TNS1: variants seen among roughly 807,000 people sequenced by gnomAD.
TNS1 encodes tensin-1.
A neutral mutation model predicts 168.6 loss-of-function variants in TNS1; 62 were observed. The ratio of observed to expected loss-of-function variants is 0.37; its 90% CI spans 0.30 to 0.45. TNS1 has a LOEUF of 0.45. Ranked by LOEUF, TNS1 falls within the 20% of genes least tolerant of loss-of-function variation. The pLI is 1.00. For synonymous variants in TNS1, 934 were observed against 933.2 expected, an observed-to-expected ratio of 1.00 and a Z score of -0.02; for missense variants, 2,240 against 2,339.4, an observed-to-expected ratio of 0.96 and a Z score of 0.88.
At chr2:217,900,585 G>A (rs750673848) in intron 6 of TNS1, 73 bp from the exon 7 acceptor site, 30 of 1,409,136 alleles carry the variant, frequency 2.1e-5, no homozygotes, top group East Asian at 5.0e-5. Context: ...CCAGAGAGCT[G>A]TCCACGGGGG....
intron 1 of TNS1, among the ~76,000 whole-genome samples, chr2:218,024,393 T>C (rs1338284079): frequency 6.7e-6 from 1 of 149,362 alleles, no homozygotes; most frequent in Admixed American, 6.7e-5. Context: ...GGGAATAAAT[T>C]AGCCCTGCTT....
intron 1 of TNS1, among the ~76,000 whole-genome samples, chr2:218,009,753 G>C (rs991802688): frequency 6.6e-6 from 1 of 152,168 alleles, no homozygotes; most frequent in African/African-American, 2.4e-5. Context: ...ATTTGAGAGG[G>C]ATGCTTAAAA....
intron 14 of TNS1, 59 bp from the exon 15 acceptor site, chr2:217,885,878 G>T: frequency 6.6e-7 from 1 of 1,526,272 alleles, no homozygotes; most frequent in Non-Finnish European, 9.1e-7. Flanking sequence ...TGAGGGAGGG[G>T]CATTTTCTCC....
chr2:217,842,060 T>A, intron 19 of TNS1: 1 of 702,950 alleles, frequency 1.4e-6, no homozygotes, highest in South Asian at 1.5e-5. Context: ...ACCTTTCCTC[T>A]CCTTCACAAG....
Position 217,814,988 on chromosome 2 carries a change from C to T in TNS1, c.4653G>A (p.Pro1551=), listed in dbSNP as rs540921314. ...FSKYSMPDNS[P]ETRAKVKFVQ... is the part of the protein sequence containing the mutation. ...CAAACTTCACTTTAGCCCGCGTCTCCGGGCTGTTGTCTAAAGCAGGAGAAG... is the reference window on the plus strand; with the variant it reads ...CAAACTTCACTTTAGCCCGCGTCTCTGGGCTGTTGTCTAAAGCAGGAGAAG... Residue 1551 remains proline, a synonymous_variant, in exon 25 of 33, where the codon CCG becomes CCA. Coordinates refer to ENST00000682258, the MANE Select transcript of TNS1 (RefSeq NM_001387777.1). The T allele has an allele frequency of 2.8e-5, 45 of 1,612,256 alleles. No homozygotes were observed. The highest frequency in any genetic ancestry group is 4.0e-5 in the African/African-American group (3 of 75,050).
intron 1 of TNS1, among the ~76,000 whole-genome samples, chr2:218,022,939 C>T (rs1958821636): frequency 6.6e-6 from 1 of 152,106 alleles, no homozygotes; most frequent in Admixed American, 6.5e-5. Flanking sequence ...TCCTCGCCCA[C>T]CCTGAGCCAG....
upstream of TNS1, among the ~76,000 whole-genome samples, chr2:218,007,144 C>T (rs2105992872): frequency 1.3e-5 from 2 of 152,284 alleles, no homozygotes; most frequent in South Asian, 4.2e-4. Flanking sequence ...GGGTTCTTCA[C>T]CAGTGTCCAG....
intron 6 of TNS1, among the ~76,000 whole-genome samples, chr2:217,902,254 CCTAGGCCCTGCT>C (rs1460480452): frequency 1.3e-5 from 2 of 152,144 alleles, no homozygotes; most frequent in Non-Finnish European, 2.9e-5. Flanking sequence ...CTCCCCAGGC[CCTAGGCCCTGCT>C]CCAGGCCCCA....
chr2:217,858,395 C>T (rs892140475), intron 18 of TNS1: 1 of 485,938 alleles, frequency 2.1e-6, no homozygotes, highest in Non-Finnish European at 2.7e-6. Context: ...CCCCTCCACA[C>T]CCTCCCAGCA....
At chr2:217,982,997 A>G (rs977056973) in intron 2 of TNS1, among the ~76,000 whole-genome samples, 4 of 151,978 alleles carry the variant, frequency 2.6e-5, no homozygotes, top group African/African-American at 7.2e-5. Flanking sequence ...CCCACCACCA[A>G]TGCCACCCAC....
At chr2:217,945,714 G>A (rs1053211088) in intron 3 of TNS1, among the ~76,000 whole-genome samples, 50 of 152,280 alleles carry the variant, frequency 3.3e-4, no homozygotes, top group African/African-American at 9.4e-4. Flanking sequence ...CTCCCTAGCC[G>A]TCGGCCCAGC....
intron 6 of TNS1, chr2:217,903,594 C>T: frequency 6.5e-7 from 1 of 1,536,188 alleles, no homozygotes; most frequent in Non-Finnish European, 8.7e-7. Context: ...GAACTCTCCC[C>T]ATCCTTACCT....
At chr2:217,937,488 T>C (rs925936581) in intron 3 of TNS1, among the ~76,000 whole-genome samples, 32 of 152,080 alleles carry the variant, frequency 2.1e-4, no homozygotes, top group African/African-American at 7.0e-4. Context: ...CCTTCCTGGC[T>C]TGGCGGCCCC....
chr2:217,928,953 G>C (rs920362210), intron 3 of TNS1, among the ~76,000 whole-genome samples: 1 of 152,184 alleles, frequency 6.6e-6, no homozygotes, highest in Admixed American at 6.5e-5. Flanking sequence ...CAGAGCAGCT[G>C]CCAGGTCCAC....
intron 3 of TNS1, among the ~76,000 whole-genome samples, chr2:217,950,378 C>T (rs1177976091): frequency 6.6e-6 from 1 of 152,162 alleles, no homozygotes; most frequent in East Asian, 1.9e-4. Context: ...CTCTGAATGG[C>T]CAAGAGGTAG....
upstream of TNS1, among the ~76,000 whole-genome samples, chr2:218,014,157 T>C (rs1574481390): frequency 6.6e-6 from 1 of 152,208 alleles, no homozygotes; most frequent in Non-Finnish European, 1.5e-5. Context: ...AGGCAGCTCC[T>C]GTTAGGGAGA....
chr2:218,006,103 C>T (rs1205157969), upstream of TNS1, among the ~76,000 whole-genome samples: 1 of 152,256 alleles, frequency 6.6e-6, no homozygotes, highest in African/African-American at 2.4e-5. Flanking sequence ...CTTCCCGCTG[C>T]ATGCGGAGAC....
intron 22 of TNS1, 134 bp from the exon 23 acceptor site, chr2:217,822,072 G>A (rs1251241988): frequency 6.0e-6 from 6 of 1,005,058 alleles, no homozygotes; most frequent in Non-Finnish European, 8.5e-6. Context: ...CAAAGGACAG[G>A]CAGGGCTCCT....
intron 18 of TNS1, among the ~76,000 whole-genome samples, chr2:217,879,704 T>C (rs1950516814): frequency 6.6e-6 from 1 of 152,150 alleles, no homozygotes; most frequent in Non-Finnish European, 1.5e-5. Context: ...AAATCTTTAT[T>C]CAAGGAAAGG....
Sources: allele counts gnomAD v4.1 joint callset (sites outside exome capture counted in the v4.1 genomes callset), GRCh38; gene constraint gnomAD v4.1.1; transcripts MANE v1.5; gene names NCBI Gene and HGNC (gene_info 2026-07-23, HGNC 2026-07-21).